Variants in SASH1 observed in about 807,000 individuals in gnomAD.
SASH1 encodes the protein SAM and SH3 domain-containing protein 1.
SASH1 carries 44 observed loss-of-function variants against 125.2 expected under a neutral mutation model. That is an observed-to-expected ratio of 0.35 (90% CI 0.28 to 0.45). The LOEUF (loss-of-function observed/expected upper bound fraction) is 0.45. SASH1 is among the 20% of genes least tolerant of loss of function. The pLI is 1.00. For missense variants in SASH1, 1,426 were observed against 1,614.5 expected, an observed-to-expected ratio of 0.88 and a Z score of 2.00; for synonymous variants, 639 against 649.1, an observed-to-expected ratio of 0.98 and a Z score of 0.24.
intron 2 of SASH1, among the ~76,000 whole-genome samples, chr6:148,411,166 C>CAAAAAAAAAAAAAAAAAAAAAAA (rs56342457): frequency 8.7e-5 from 4 of 46,174 alleles, no homozygotes; most frequent in Non-Finnish European, 1.1e-4. Flanking sequence ...ACTCCATCTC[C>CAAAAAAAAAAAAAAAAAAAAAAA]AAAAAAAAAA....
intron 8 of SASH1, among the ~76,000 whole-genome samples, chr6:148,505,759 C>A (rs1779765057): frequency 6.6e-6 from 1 of 151,838 alleles, no homozygotes; most frequent in South Asian, 2.1e-4. Flanking sequence ...TGCTTCAGCC[C>A]CCTGGGTAGC....
At chr6:148,393,962 G>A (rs1247123678) in intron 2 of SASH1, among the ~76,000 whole-genome samples, 1 of 147,428 alleles carries the variant, frequency 6.8e-6, no homozygotes, top group African/African-American at 2.5e-5. Flanking sequence ...TCATGGTCTC[G>A]GCTCACTGCA....
rs917285615 is a variant in SASH1 at position 148,487,552 on chromosome 6, A to G, written c.628-62A>G. The G allele has an allele frequency of 1.4e-5, 17 of 1,197,982 alleles. No individual in the cohort carries two copies. The Admixed American group carries it at 3.3e-4, about 23-fold the overall frequency. 74.2% of individuals were successfully genotyped at this position (1,197,982 alleles called of 1,614,324 possible). A position where few individuals can be genotyped will look rare whatever the true frequency, so the allele number is the denominator to read the frequency against. On this transcript the variant is annotated intron_variant, in intron 7 of 19. Coordinates refer to ENST00000367467, the MANE Select transcript of SASH1 (RefSeq NM_015278.5). ...TGTATTATTTGAGTCATTTCCCTGT[A>G]AAAGGTCTGGCCAGTGTCTGGCCAT...
the SASH1 span, among the ~76,000 whole-genome samples, chr6:148,218,267 A>G: frequency 6.6e-6 from 1 of 152,174 alleles, no homozygotes; most frequent in Non-Finnish European, 1.5e-5. Context: ...GCAACCATGG[A>G]AAGAGGAAGA....
chr6:148,280,916 A>G (rs748272398), intron 1 of SASH1, among the ~76,000 whole-genome samples: 2 of 151,930 alleles, frequency 1.3e-5, no homozygotes, highest in Non-Finnish European at 2.9e-5. Context: ...GTAGGGTTAA[A>G]TGGAAGAGTG....
At chr6:148,216,084 C>A in the SASH1 span, among the ~76,000 whole-genome samples, 3 of 152,136 alleles carry the variant, frequency 2.0e-5, no homozygotes, top group Middle Eastern at 3.2e-3. Context: ...GTCTTGAACT[C>A]CTGACCTCAA....
At chr6:148,501,485 G>A (rs1779558064) in intron 8 of SASH1, among the ~76,000 whole-genome samples, 1 of 152,170 alleles carries the variant, frequency 6.6e-6, no homozygotes. Context: ...TGGGTTTGGT[G>A]TTTTGCTTTA....
chr6:148,519,777 C>T lies in SASH1; in HGVS notation c.1093C>T (p.Pro365Ser), dbSNP rs750113942. The T allele has an allele frequency of 3.1e-6, 5 of 1,613,926 alleles. No homozygotes were observed. The highest frequency in any genetic ancestry group is 1.6e-4 in the Middle Eastern group (1 of 6,062). Residue 365 changes from proline (P) to serine (S), a missense_variant, in exon 10 of 20, where the codon CCC becomes TCC. By Grantham distance (74) the Pro-to-Ser change is moderately conservative. This residue lies in a region of SASH1 where 567 missense variants were observed against 575.6 expected (regional missense o/e 0.99). Transcript: ENST00000367467. This position sits in a 1 kb window ranked among gnomAD's most constrained non-coding sequence, Gnocchi z 4.8. ...AGGAGAGAGCCGGGGCCTGATTAAG[C>T]CCCCCAAGAAGATGGGGACATTCTT... ...SKGESRGLIK[P>S]PKKMGTFFSY...
chr6:148,230,442 A>G, the SASH1 span, among the ~76,000 whole-genome samples: 1 of 151,828 alleles, frequency 6.6e-6, no homozygotes, highest in Non-Finnish European at 1.5e-5. Context: ...CCTCCCAAGT[A>G]TTTGGGACTA....
chr6:148,446,136 C>T lies in SASH1; in HGVS notation c.386+5729C>T, dbSNP rs1293883026. Among the ~76,000 whole-genome samples the T allele has an allele frequency of 5.3e-4, 46 of 87,458 alleles. 1 individual carries two copies. In the East Asian group the frequency reaches 9.1e-3, roughly 17 times the overall value. The allele number at this position is 87,458 out of a possible 152,430, so 57.4% of individuals were successfully genotyped here. The stretch of plus-strand genomic sequence containing the variant: ...TTTTTTTTTTTTTTTTGAGACGGAG[C>T]CTCACTCTGTCGCCCAGGCTGGAGT... On this transcript the variant is annotated intron_variant, in intron 4 of 19. Transcript: ENST00000367467.
the SASH1 span, among the ~76,000 whole-genome samples, chr6:148,207,709 A>G: frequency 1.3e-5 from 2 of 152,192 alleles, no homozygotes; most frequent in African/African-American, 4.8e-5. Flanking sequence ...AGAATACCCA[A>G]CATCTAAACT....
chr6:148,201,498 T>A, the SASH1 span, among the ~76,000 whole-genome samples: 1 of 152,086 alleles, frequency 6.6e-6, no homozygotes, highest in South Asian at 2.1e-4. Context: ...TCTGATTCAG[T>A]GGCCTAGGGT....
At chr6:148,499,420 C>T (rs1779469099) in intron 8 of SASH1, among the ~76,000 whole-genome samples, 1 of 152,198 alleles carries the variant, frequency 6.6e-6, no homozygotes, top group Non-Finnish European at 1.5e-5. Context: ...TAGGTTGAAA[C>T]AATGCCATCT....
At chr6:148,365,976 G>A (rs1782434482) in intron 1 of SASH1, among the ~76,000 whole-genome samples, 1 of 152,142 alleles carries the variant, frequency 6.6e-6, no homozygotes, top group South Asian at 2.1e-4. Context: ...AGCCAGGCGT[G>A]GTGGCGTGCG....
chr6:148,483,592 G>A (rs1419522546), intron 7 of SASH1, among the ~76,000 whole-genome samples: 3 of 152,168 alleles, frequency 2.0e-5, no homozygotes, highest in Non-Finnish European at 4.4e-5. Flanking sequence ...CAAAGGGAGT[G>A]GGGAGCCCTG....
chr6:148,546,400 A>C (rs2115465815), intron 19 of SASH1, among the ~76,000 whole-genome samples: 1 of 152,334 alleles, frequency 6.6e-6, no homozygotes, highest in Middle Eastern at 3.4e-3. Context: ...TGGGCGTGAT[A>C]GTGCACACCT....
intron 12 of SASH1, among the ~76,000 whole-genome samples, chr6:148,528,567 C>G (rs948834179): frequency 2.6e-5 from 4 of 152,180 alleles, no homozygotes; most frequent in Non-Finnish European, 5.9e-5. Flanking sequence ...ACAGCAGCTT[C>G]AGTTGATTAC....
In SASH1 at chr6:148,512,522, T is replaced by A. The variant is rs1433622100; in HGVS notation, c.730-1802T>A. The A allele has an allele frequency of 3.0e-6, 3 of 985,292 alleles. No homozygotes were observed. The African/African-American group carries it at 5.2e-5, about 17-fold the overall frequency. 61.0% of individuals were successfully genotyped at this position (985,292 alleles called of 1,614,324 possible). ...GTTAACCAAGTTCTCATTCCTCTGGTTGACCGCTCCAACCATTTCATCACA... is the reference window on the plus strand; with the variant it reads ...GTTAACCAAGTTCTCATTCCTCTGGATGACCGCTCCAACCATTTCATCACA... On this transcript the variant is annotated intron_variant, in intron 8 of 19. Transcript: ENST00000367467.
intron 1 of SASH1, among the ~76,000 whole-genome samples, chr6:148,279,894 G>A (rs186072959): frequency 1.3e-5 from 2 of 151,766 alleles, no homozygotes; most frequent in East Asian, 2.0e-4. Flanking sequence ...GGCTGAGACA[G>A]GAGAATTGCT....
Sources: allele counts gnomAD v4.1 joint callset (sites outside exome capture counted in the v4.1 genomes callset), GRCh38; gene constraint gnomAD v4.1.1; regional missense constraint gnomAD v4.1.1; non-coding constraint Gnocchi (gnomAD v3.1); transcripts MANE v1.5; gene names NCBI Gene and HGNC (gene_info 2026-07-23, HGNC 2026-07-21).